The following GDNF variants were observed in gnomAD, a reference collection of about 807,000 sequenced individuals.
GDNF encodes the protein glial cell derived neurotrophic factor.
Under a neutral mutation model 13.7 loss-of-function variants are expected in GDNF, and 5 were observed. The observed-to-expected ratio is 0.36, with a 90% confidence interval of 0.19 to 0.77. GDNF has a LOEUF of 0.77. Among genes scored for constraint, GDNF ranks in the 30% least tolerant of loss-of-function variants. GDNF has a pLI of 0.51. For synonymous variants in GDNF, 122 were observed against 112.5 expected (o/e 1.08, Z -0.53); for missense variants, 246 against 274.3 (o/e 0.90, Z 0.73).
At chr5:37,826,954 T>C (rs1239415086) in intron 2 of GDNF, among the ~76,000 whole-genome samples, 2 of 152,150 alleles carry the variant, frequency 1.3e-5, no homozygotes, top group Non-Finnish European at 2.9e-5. Flanking sequence ...TGGAACAAAC[T>C]GATATTGGGC....
At chr5:37,828,202 C>T (rs2910702) in intron 2 of GDNF, among the ~76,000 whole-genome samples, 113,013 of 152,138 alleles carry the variant, frequency 0.74, 42,002 homozygotes, top group South Asian at 0.8. Flanking sequence ...ATCTGAGAAC[C>T]AGAGTCTCCC....
At chr5:37,820,501 G>A (rs116740766) in intron 2 of GDNF, among the ~76,000 whole-genome samples, 2,116 of 152,324 alleles carry the variant, frequency 0.014, 20 homozygotes, top group Middle Eastern at 0.078. Flanking sequence ...CAGGTAAATA[G>A]TGAATACACG....
rs150577324 is a variant in GDNF, at chr5:37,815,487, T to TTCCTCC, written c.*158_*163dup. ...CTACCAGGCTCCCATGATGGCTGCC[T>TTCCTCC]TCCTCCTCCTCCTCCTCCTCCTCCT... On this transcript the variant is annotated 3_prime_UTR_variant, in exon 3 of 3. Coordinates refer to ENST00000326524, the MANE Select transcript of GDNF (RefSeq NM_000514.4). The surrounding 1 kb of genome is among the most constrained non-coding windows in gnomAD (Gnocchi z 5.0). 3,256 of 637,382 alleles carry TTCCTCC rather than the reference T, an allele frequency of 5.1e-3. 98 individuals carry two copies. The highest frequency in any genetic ancestry group is 0.037 in the African/African-American group (1,747 of 47,338). 39.5% of individuals were successfully genotyped at this position (637,382 alleles called of 1,614,324 possible). A position where few individuals can be genotyped will look rare whatever the true frequency, so the allele number is the denominator to read the frequency against.
rs145629771 is a variant in GDNF, at chr5:37,831,850, CAAAT to C, written c.151+2792_151+2795del. Among the ~76,000 whole-genome samples the C allele has an allele frequency of 3.0e-3, 455 of 152,236 alleles. 3 individuals carry two copies. Among genetic ancestry groups the C allele is most frequent in the African/African-American group, 0.01 (434 of 41,542 alleles). On this transcript the variant is annotated intron_variant, in intron 2 of 2. Coordinates refer to ENST00000326524, the MANE Select transcript of GDNF (RefSeq NM_000514.4). ...AAATACTGGCAAAAAGCAAAATAAACAAATAAAGATAGCAAAAGAGAAAAGTCTT... is the reference window on the plus strand; with the variant it reads ...AAATACTGGCAAAAAGCAAAATAAACAAAGATAGCAAAAGAGAAAAGTCTT...
chr5:37,829,747 C>T (rs543863682), intron 2 of GDNF, among the ~76,000 whole-genome samples: 50 of 152,330 alleles, frequency 3.3e-4, no homozygotes, highest in African/African-American at 7.7e-4. Context: ...ACATTGCTCA[C>T]GCCCTGGGTC....
chr5:37,836,930 C>T (rs11749171), intron 1 of GDNF, among the ~76,000 whole-genome samples: 23,846 of 152,244 alleles, frequency 0.16, 2,175 homozygotes, highest in African/African-American at 0.24. Context: ...GAAAACTCCC[C>T]GCGTCGCCAG....
intron 2 of GDNF, among the ~76,000 whole-genome samples, chr5:37,833,812 T>G (rs1750606032): frequency 6.6e-6 from 1 of 152,216 alleles, no homozygotes; most frequent in Non-Finnish European, 1.5e-5. Flanking sequence ...CTCTATCACA[T>G]GTAATGTAGC....
chr5:37,821,365 A>G (rs1022313904), intron 2 of GDNF, among the ~76,000 whole-genome samples: 8 of 152,194 alleles, frequency 5.3e-5, no homozygotes, highest in Non-Finnish European at 1.0e-4. Context: ...GCTTGGCAGA[A>G]TGTCAGATAT....
At position 37,839,329 on chromosome 5, in the gene GDNF, C is replaced by G. The variant is rs1476522716; in HGVS notation, c.-27+178G>C. Among the ~76,000 whole-genome samples, 5 of 152,208 alleles carry G rather than the reference C, an allele frequency of 3.3e-5. No homozygotes were observed. The highest frequency in any genetic ancestry group is 7.3e-5 in the Non-Finnish European group (5 of 68,038). Reference sequence around the variant, plus strand: ...CCGAAAGGCCGGCCTCTCTCCGGTTCTACTTTTCTCTCTCCTCGCATAGCT... The same window carrying G: ...CCGAAAGGCCGGCCTCTCTCCGGTTGTACTTTTCTCTCTCCTCGCATAGCT... On this transcript the variant is annotated intron_variant, in intron 1 of 2. Transcript: ENST00000326524. The surrounding 1 kb of genome is among the most constrained non-coding windows in gnomAD (Gnocchi z 5.5).
At chr5:37,818,047 C>T (rs1436464274) in intron 2 of GDNF, among the ~76,000 whole-genome samples, 5 of 152,168 alleles carry the variant, frequency 3.3e-5, no homozygotes, top group African/African-American at 1.2e-4. Context: ...TTCTTGTTCC[C>T]TCCCGTCTAG....
intron 1 of GDNF, chr5:37,835,475 G>A (rs1253997592): frequency 7.5e-6 from 11 of 1,466,398 alleles, no homozygotes; most frequent in African/African-American, 2.8e-5. Context: ...GGGACTTGGA[G>A]ACTTTTGGCC....
intron 2 of GDNF, among the ~76,000 whole-genome samples, chr5:37,819,144 G>A (rs536077787): frequency 1.3e-5 from 2 of 152,234 alleles, no homozygotes; most frequent in East Asian, 1.9e-4. Context: ...TTTACTAGGC[G>A]GAAAGAGAGT....
chr5:37,827,730 A>G (rs905692776), intron 2 of GDNF, among the ~76,000 whole-genome samples: 2 of 152,262 alleles, frequency 1.3e-5, no homozygotes, highest in Non-Finnish European at 2.9e-5. Flanking sequence ...TTTTCTGACC[A>G]AAAAGCCAAT....
At chr5:37,832,430 A>G (rs1392050218) in intron 2 of GDNF, among the ~76,000 whole-genome samples, 1 of 152,170 alleles carries the variant, frequency 6.6e-6, no homozygotes, top group Non-Finnish European at 1.5e-5. Flanking sequence ...CGAATCAAAC[A>G]TATCTGGAAA....
intron 2 of GDNF, among the ~76,000 whole-genome samples, chr5:37,825,654 G>T (rs999049417): frequency 5.9e-5 from 9 of 152,196 alleles, no homozygotes; most frequent in African/African-American, 2.2e-4. Context: ...TGTGGGGGTG[G>T]TGGAGTCTCT....
In GDNF at chr5:37,814,121, A is replaced by C. The variant is rs1749823930; in HGVS notation, c.*1530T>G. ...ACTGGGCAGCCAGCATATTCTCGGG[A>C]GGGCAGTGGGTGGGCAGGGATGGAG... On this transcript the variant is annotated 3_prime_UTR_variant, in exon 3 of 3. Transcript: ENST00000326524. 1 of 152,548 alleles carries C rather than the reference A, an allele frequency of 6.6e-6. No individual in the cohort carries two copies. Among genetic ancestry groups the C allele is most frequent in the Non-Finnish European group, 1.5e-5 (1 of 68,052 alleles). The allele number at this position is 152,548 out of a possible 1,614,324, so 9.4% of individuals were successfully genotyped here.
intron 2 of GDNF, among the ~76,000 whole-genome samples, chr5:37,817,024 G>C (rs113861617): frequency 2.0e-5 from 3 of 152,162 alleles, no homozygotes; most frequent in Non-Finnish European, 4.4e-5. Flanking sequence ...GATGCTGTTC[G>C]TGCATAGAAG....
intron 2 of GDNF, among the ~76,000 whole-genome samples, chr5:37,816,997 A>G (rs192167377): frequency 6.6e-6 from 1 of 152,388 alleles, no homozygotes; most frequent in Admixed American, 6.5e-5. Context: ...TATGTATCAC[A>G]GCAATAAATG....
intron 1 of GDNF, chr5:37,835,471 T>C: frequency 6.8e-7 from 1 of 1,465,346 alleles, no homozygotes; most frequent in Non-Finnish European, 9.0e-7. Flanking sequence ...AGCAGGGACT[T>C]GGAGACTTTT....
Sources: allele counts gnomAD v4.1 joint callset (sites outside exome capture counted in the v4.1 genomes callset), GRCh38; gene constraint gnomAD v4.1.1; non-coding constraint Gnocchi (gnomAD v3.1); transcripts MANE v1.5; gene names NCBI Gene and HGNC (gene_info 2026-07-23, HGNC 2026-07-21).